The following CEMIP variants were observed in gnomAD, a reference collection of about 807,000 sequenced individuals.
CEMIP encodes cell migration-inducing and hyaluronan-binding protein.
Under a neutral mutation model 156.9 loss-of-function variants are expected in CEMIP, and 105 were observed. That is an observed-to-expected ratio of 0.67 (90% confidence interval 0.57 to 0.79). CEMIP has a LOEUF of 0.79. Among genes scored for constraint, CEMIP ranks in the 30% least tolerant of loss-of-function variants. The probability of loss-of-function intolerance (pLI) is 0.00; values close to 1 mark genes in which losing one functional copy is unlikely to be tolerated. For missense variants in CEMIP, 1,457 were observed against 1,769.4 expected, an observed-to-expected ratio of 0.82 and a Z score of 3.17; for synonymous variants, 676 against 668.4, an observed-to-expected ratio of 1.01 and a Z score of -0.17.
chr15:80,819,129 A>G (rs1342531901), intron 1 of CEMIP, among the ~76,000 whole-genome samples: 3 of 152,248 alleles, frequency 2.0e-5, no homozygotes, highest in African/African-American at 7.2e-5. Context: ...CTAGCCAGAA[A>G]GGCTGTTAAA....
chr15:80,860,718 A>C (rs1322110141), intron 1 of CEMIP, among the ~76,000 whole-genome samples: 2 of 149,966 alleles, frequency 1.3e-5, no homozygotes, highest in South Asian at 2.1e-4. Context: ...TCCCACCCCC[A>C]CCTTGCCTGC....
At chr15:80,826,425 C>T (rs1897039670) in intron 1 of CEMIP, among the ~76,000 whole-genome samples, 2 of 152,224 alleles carry the variant, frequency 1.3e-5, no homozygotes, top group Admixed American at 6.5e-5. Context: ...TGGTCAGTAC[C>T]AAGAATATCA....
chr15:80,896,513 A>G (rs1004389894), intron 12 of CEMIP, among the ~76,000 whole-genome samples: 1 of 152,190 alleles, frequency 6.6e-6, no homozygotes, highest in Non-Finnish European at 1.5e-5. Context: ...GAGGGGGAGG[A>G]AGTGAATATT....
chr15:80,876,132 G>A (rs1898468847), intron 3 of CEMIP, among the ~76,000 whole-genome samples: 1 of 152,214 alleles, frequency 6.6e-6, no homozygotes, highest in African/African-American at 2.4e-5. Context: ...CTGGACCACT[G>A]GGATCCTCAG....
chr15:80,798,264 T>C (rs1321262026), intron 1 of CEMIP, among the ~76,000 whole-genome samples: 1 of 152,234 alleles, frequency 6.6e-6, no homozygotes, highest in African/African-American at 2.4e-5. Context: ...GAATTTTACC[T>C]TATACGTAAC....
intron 1 of CEMIP, among the ~76,000 whole-genome samples, chr15:80,792,744 G>A (rs116051156): frequency 1.3e-5 from 2 of 152,162 alleles, no homozygotes; most frequent in Non-Finnish European, 2.9e-5. Flanking sequence ...CCTAGAACAA[G>A]AATCTGAATG....
chr15:80,783,108 G>A (rs770893943), intron 1 of CEMIP, among the ~76,000 whole-genome samples: 15 of 152,206 alleles, frequency 9.9e-5, no homozygotes, highest in Non-Finnish European at 2.1e-4. Flanking sequence ...AGAGTGAAAG[G>A]GGTGAATTCA....
In CEMIP at chr15:80,871,177, A is replaced by T. The variant is rs560993095; in HGVS notation, c.-175-2361A>T. On this transcript the variant is annotated intron_variant, in intron 1 of 29. Transcript: ENST00000394685. ...TGGGAATCTTTTAGGATTCACTTCA[A>T]TGGAATGTTTCTTGGGACATGTGTC... Among the ~76,000 whole-genome samples, 5 of 152,286 alleles carry T rather than the reference A, an allele frequency of 3.3e-5. No individual in the cohort carries two copies. The South Asian group carries it at 1.0e-3, about 32-fold the overall frequency.
intron 1 of CEMIP, among the ~76,000 whole-genome samples, chr15:80,832,319 A>ACTCT (rs201468853): frequency 4.6e-4 from 9 of 19,380 alleles, no homozygotes; most frequent in South Asian, 2.1e-3. Flanking sequence ...TTTAAAATAA[A>ACTCT]CTCTGTGTGT....
intron 1 of CEMIP, among the ~76,000 whole-genome samples, chr15:80,811,419 T>C (rs574328834): frequency 1.5e-4 from 23 of 152,326 alleles, no homozygotes; most frequent in African/African-American, 4.1e-4. Context: ...GCTGGATCAA[T>C]GGCATTGATT....
At chr15:80,784,390 C>G (rs1895873851) in intron 1 of CEMIP, among the ~76,000 whole-genome samples, 1 of 152,170 alleles carries the variant, frequency 6.6e-6, no homozygotes, top group African/African-American at 2.4e-5. Context: ...CACAGGCTTC[C>G]CCAGGAGCCT....
intron 21 of CEMIP, among the ~76,000 whole-genome samples, chr15:80,930,280 A>G (rs1354379506): frequency 6.6e-6 from 1 of 152,242 alleles, no homozygotes; most frequent in Non-Finnish European, 1.5e-5. Context: ...TGAGTAATGG[A>G]GCAGTCCCTT....
chr15:80,901,731 T>G (rs1328915867), intron 12 of CEMIP, among the ~76,000 whole-genome samples: 1 of 151,336 alleles, frequency 6.6e-6, no homozygotes, highest in Non-Finnish European at 1.5e-5. Context: ...GATTCCTCAG[T>G]CACAGCAGCC....
At position 80,909,299 on chromosome 15, in the gene CEMIP, G is replaced by C. The variant is rs1243932293; in HGVS notation, c.1790G>C (p.Gly597Ala). ...TGCGTCACAGTCCATGGCTCCAATG[G>C]CTTGTTGGTAAGAACCTCCTTCCCT... Reference protein sequence around the residue: ...SRCVTVHGSNGLLIKDVVGYN... With the variant: ...SRCVTVHGSNALLIKDVVGYN... Residue 597 changes from glycine to alanine, a missense_variant, in exon 14 of 30, where the codon GGC becomes GCC. By Grantham distance (60) the Gly-to-Ala change is moderately conservative. This residue lies in a region of CEMIP where 53 missense variants were observed against 104.5 expected (regional missense o/e 0.51). Transcript: ENST00000394685. The C allele has an allele frequency of 1.2e-6, 2 of 1,613,972 alleles. No individual in the cohort carries two copies. Among genetic ancestry groups the C allele is most frequent in the Non-Finnish European group, 1.7e-6 (2 of 1,179,998 alleles).
intron 1 of CEMIP, among the ~76,000 whole-genome samples, chr15:80,819,490 T>A (rs1163728634): frequency 6.6e-6 from 1 of 152,218 alleles, no homozygotes. Flanking sequence ...CTTTGTCATA[T>A]CCATTAATGT....
At chr15:80,921,319 A>G (rs1596192852) in intron 16 of CEMIP, among the ~76,000 whole-genome samples, 1 of 152,208 alleles carries the variant, frequency 6.6e-6, no homozygotes, top group East Asian at 1.9e-4. Context: ...CTGTCACTTC[A>G]TAATACTGGT....
At chr15:80,848,953 A>ATTTTT (rs764417438) in intron 1 of CEMIP, among the ~76,000 whole-genome samples, 7 of 72,504 alleles carry the variant, frequency 9.7e-5, no homozygotes, top group Non-Finnish European at 1.7e-4. Context: ...CTCTTTAGAA[A>ATTTTT]TTTTTTTTTT....
chr15:80,858,675 A>C (rs1897912355), intron 1 of CEMIP, among the ~76,000 whole-genome samples: 1 of 152,158 alleles, frequency 6.6e-6, no homozygotes, highest in East Asian at 1.9e-4. Flanking sequence ...CAGTGAGCCA[A>C]GGTTGCGCCA....
chr15:80,847,642 A>G (rs1370729439), intron 1 of CEMIP, among the ~76,000 whole-genome samples: 1 of 152,188 alleles, frequency 6.6e-6, no homozygotes, highest in Non-Finnish European at 1.5e-5. Flanking sequence ...TGCCTGTGTG[A>G]TGGTCCTAGT....
Sources: allele counts gnomAD v4.1 joint callset (sites outside exome capture counted in the v4.1 genomes callset), GRCh38; gene constraint gnomAD v4.1.1; regional missense constraint gnomAD v4.1.1; transcripts MANE v1.5; gene names NCBI Gene and HGNC (gene_info 2026-07-23, HGNC 2026-07-21).